The following FANCB variants were observed in gnomAD, a reference collection of about 807,000 sequenced individuals.
The protein encoded by FANCB is Fanconi anemia group B protein.
FANCB carries 5 observed loss-of-function variants against 38.9 expected under a neutral mutation model. The observed-to-expected ratio is 0.13, with a 90% confidence interval of 0.07 to 0.27. The LOEUF is 0.27. Ranked by LOEUF, FANCB falls within the 10% of genes least tolerant of loss-of-function variation. The probability of loss-of-function intolerance (pLI) is 1.00; values close to 1 mark genes in which losing one functional copy is unlikely to be tolerated. For synonymous variants in FANCB, 236 were observed against 215.4 expected (o/e 1.10, Z -0.84); for missense variants, 573 against 602.7 (o/e 0.95, Z 0.52).
At chrX:14,773,537 C>T in the FANCB span, among the ~76,000 whole-genome samples, 10 of 111,821 alleles carry the variant, frequency 8.9e-5, no homozygotes, top group Middle Eastern at 4.7e-3. Flanking sequence ...GAGAGAAATA[C>T]AGGTACAGAG....
the FANCB span, among the ~76,000 whole-genome samples, chrX:14,824,361 C>G: frequency 8.9e-6 from 1 of 111,908 alleles, no homozygotes; most frequent in African/African-American, 3.2e-5. Flanking sequence ...AGTATTTACT[C>G]TTTTACGGTT....
intron 9 of FANCB, 75 bp downstream of exon 9, chrX:14,844,428 C>T (rs942563311): frequency 6.3e-5 from 45 of 714,729 alleles, no homozygotes; most frequent in Middle Eastern, 3.3e-4. Context: ...ACATGCGGAT[C>T]GCTGTTGAAC....
downstream of FANCB, among the ~76,000 whole-genome samples, chrX:14,833,519 G>GTC (rs1287401096): frequency 8.9e-6 from 1 of 111,979 alleles, no homozygotes; most frequent in Non-Finnish European, 1.9e-5. Flanking sequence ...GTATGTTAAA[G>GTC]TTTGAGAAGC....
At chrX:14,791,224 A>G in the FANCB span, among the ~76,000 whole-genome samples, 2 of 112,158 alleles carry the variant, frequency 1.8e-5, no homozygotes, top group Non-Finnish European at 3.8e-5. Context: ...TTACAGAAGT[A>G]ATCAAGTTAA....
At chrX:14,744,242 G>A in the FANCB span, among the ~76,000 whole-genome samples, 2 of 111,856 alleles carry the variant, frequency 1.8e-5, no homozygotes, top group South Asian at 3.7e-4. Context: ...GCCTTTAAGC[G>A]ATGGTTCCAA....
At chrX:14,794,278 A>G in the FANCB span, among the ~76,000 whole-genome samples, 1 of 111,322 alleles carries the variant, frequency 9.0e-6, no homozygotes, top group Non-Finnish European at 1.9e-5. Context: ...TGAAGGAAAG[A>G]ATGATGAAAG....
At chrX:14,732,648 T>C in the FANCB span, among the ~76,000 whole-genome samples, 2 of 112,710 alleles carry the variant, frequency 1.8e-5, no homozygotes, top group African/African-American at 6.4e-5. Context: ...TGATGAGCTT[T>C]TTTTCATGTT....
At chrX:14,775,141 T>C in the FANCB span, among the ~76,000 whole-genome samples, 54 of 106,147 alleles carry the variant, frequency 5.1e-4, no homozygotes, top group Non-Finnish European at 9.5e-4. Flanking sequence ...CTCCACTCTG[T>C]TATTTCTATT....
the FANCB span, among the ~76,000 whole-genome samples, chrX:14,729,934 G>T: frequency 1.8e-5 from 2 of 111,880 alleles, no homozygotes; most frequent in Non-Finnish European, 3.8e-5. Context: ...GGGAAAGTCA[G>T]TACTGAATAT....
At chrX:14,723,322 T>C in the FANCB span, among the ~76,000 whole-genome samples, 1 of 112,199 alleles carries the variant, frequency 8.9e-6, no homozygotes, top group East Asian at 2.8e-4. Context: ...CTAAGACCTG[T>C]TGATTGCCCC....
chrX:14,773,367 T>C, the FANCB span, among the ~76,000 whole-genome samples: 1 of 112,235 alleles, frequency 8.9e-6, no homozygotes, highest in African/African-American at 3.2e-5. Flanking sequence ...GTGAGAGCTC[T>C]GAACATACCT....
chrX:14,856,996 G>A (rs776490381), intron 5 of FANCB, among the ~76,000 whole-genome samples: 12 of 111,974 alleles, frequency 1.1e-4, no homozygotes, highest in South Asian at 7.4e-4. Flanking sequence ...GTTGCATGAG[G>A]AGAATATCCT....
At chrX:14,720,304 T>G in the FANCB span, among the ~76,000 whole-genome samples, 1 of 111,781 alleles carries the variant, frequency 8.9e-6, no homozygotes, top group Non-Finnish European at 1.9e-5. Context: ...CTCATAAACA[T>G]GTACAATTAT....
At chrX:14,796,369 T>C in the FANCB span, among the ~76,000 whole-genome samples, 1 of 95,487 alleles carries the variant, frequency 1.0e-5, no homozygotes, top group Admixed American at 1.2e-4. Flanking sequence ...TATGTGTATG[T>C]ATACACACAC....
chrX:14,711,847 C>T, the FANCB span, among the ~76,000 whole-genome samples: 1 of 112,320 alleles, frequency 8.9e-6, no homozygotes, highest in Non-Finnish European at 1.9e-5. Flanking sequence ...CATTGCTTCC[C>T]TATCCTTGGA....
chrX:14,857,988 A>G, intron 4 of FANCB, 34 bp from the exon 5 acceptor site: 1 of 919,274 alleles, frequency 1.1e-6, no homozygotes, highest in Non-Finnish European at 1.6e-6. Flanking sequence ...ATACACTAAG[A>G]CTGAAATTTT....
chrX:14,868,623 G>C (rs1372552910), intron 2 of FANCB, among the ~76,000 whole-genome samples: 2 of 111,150 alleles, frequency 1.8e-5, no homozygotes, highest in African/African-American at 6.5e-5. Context: ...GTTGCTCAAA[G>C]GGTACAAAGC....
chrX:14,828,958 C>A, the FANCB span, among the ~76,000 whole-genome samples: 2 of 111,636 alleles, frequency 1.8e-5, no homozygotes, highest in South Asian at 7.5e-4. Context: ...ATTCCTCCTG[C>A]CCTGGCCTCC....
chrX:14,750,814 A>T, the FANCB span, among the ~76,000 whole-genome samples: 1 of 110,028 alleles, frequency 9.1e-6, no homozygotes, highest in African/African-American at 3.3e-5. Context: ...GCTGACATTT[A>T]TCCTTAAATC....
Sources: allele counts gnomAD v4.1 joint callset (sites outside exome capture counted in the v4.1 genomes callset), GRCh38; gene constraint gnomAD v4.1.1; transcripts MANE v1.5; gene names NCBI Gene and HGNC (gene_info 2026-07-23, HGNC 2026-07-21).